The following BTRC variants were observed in gnomAD, a reference collection of about 807,000 sequenced individuals.
BTRC encodes the protein beta-transducin repeat containing E3 ubiquitin protein ligase.
Under a neutral mutation model 85.5 loss-of-function variants are expected in BTRC, and 42 were observed. The ratio of observed to expected loss-of-function variants is 0.49; its 90% CI spans 0.38 to 0.64. BTRC has a LOEUF of 0.64. Among genes scored for constraint, BTRC ranks in the 30% least tolerant of loss-of-function variants. The pLI, the probability that BTRC is intolerant of heterozygous loss-of-function variation, is 0.00. For missense variants in BTRC, 594 were observed against 743.5 expected (o/e 0.80, Z 2.34); for synonymous variants, 255 against 263.3 (o/e 0.97, Z 0.30).
intron 1 of BTRC, among the ~76,000 whole-genome samples, chr10:101,401,506 GT>G (rs1943490630): frequency 6.6e-6 from 1 of 152,132 alleles, no homozygotes; most frequent in African/African-American, 2.4e-5. Context: ...AAGCAGTGTT[GT>G]GATGCCCTGC....
chr10:101,378,754 A>G (rs1209214654), intron 1 of BTRC, among the ~76,000 whole-genome samples: 2 of 151,410 alleles, frequency 1.3e-5, no homozygotes, highest in Non-Finnish European at 2.9e-5. Flanking sequence ...CGAACTCCCA[A>G]CCTCAAGTGA....
intron 1 of BTRC, among the ~76,000 whole-genome samples, chr10:101,389,137 T>G (rs1943169762): frequency 2.1e-5 from 3 of 141,170 alleles, no homozygotes; most frequent in Non-Finnish European, 3.1e-5. Flanking sequence ...TTTTTTTTTT[T>G]TTTTTTTTTT....
intron 1 of BTRC, among the ~76,000 whole-genome samples, chr10:101,403,112 T>C (rs1477299603): frequency 1.3e-5 from 2 of 152,208 alleles, no homozygotes; most frequent in Non-Finnish European, 2.9e-5. Context: ...TTCTAAGCAT[T>C]GATGGCATTG....
At chr10:101,469,080 G>A (rs763594671) in intron 3 of BTRC, among the ~76,000 whole-genome samples, 6 of 152,176 alleles carry the variant, frequency 3.9e-5, no homozygotes, top group Non-Finnish European at 8.8e-5. Flanking sequence ...ATATAAAAAC[G>A]TATTAAAGTA....
chr10:101,442,878 TC>T (rs1300659485), intron 2 of BTRC, among the ~76,000 whole-genome samples: 1 of 150,000 alleles, frequency 6.7e-6, no homozygotes, highest in Non-Finnish European at 1.5e-5. Flanking sequence ...GTTGTACAGA[TC>T]TCACTTGCTC....
At chr10:101,417,845 T>A (rs12258171) in intron 1 of BTRC, among the ~76,000 whole-genome samples, 1 of 151,900 alleles carries the variant, frequency 6.6e-6, no homozygotes, top group Non-Finnish European at 1.5e-5. Context: ...CTTTTTTTCC[T>A]GTTAATTCTT....
In BTRC at chr10:101,522,711, G is replaced by A. The variant is rs375312132; in HGVS notation, c.556+841G>A. Among the ~76,000 whole-genome samples the A allele has an allele frequency of 1.7e-4, 26 of 151,052 alleles. No individual in the cohort carries two copies. In the South Asian group the frequency reaches 1.9e-3, roughly 11 times the overall value. On this transcript the variant is annotated intron_variant, in intron 5 of 14. Transcript: ENST00000370187. ...GTTGGGATTACAGGTGTGAGCCACC[G>A]TACCCAGCCAAGACTCCTTTTACCT...
chr10:101,477,097 C>G (rs1487185481), intron 3 of BTRC, among the ~76,000 whole-genome samples: 1 of 152,210 alleles, frequency 6.6e-6, no homozygotes, highest in Non-Finnish European at 1.5e-5. Context: ...CTGCCTCAGC[C>G]TCCCGAGTAG....
chr10:101,354,203 TGCAAGAGAAG>T lies in BTRC; in HGVS notation c.27_36del (p.Gln9HisfsTer58). On this transcript the variant is annotated frameshift_variant, in exon 1 of 15. Transcript: ENST00000370187. LOFTEE classifies it high-confidence loss of function. ...ATTATGGACCCGGCCGAGGCGGTGC[TGCAAGAGAAG>T]GCACTCAAGTTTATGGTGAGGAGAC... 4 of 1,549,134 alleles carry T rather than the reference TGCAAGAGAAG, an allele frequency of 2.6e-6. No individual in the cohort carries two copies. Among genetic ancestry groups the T allele is most frequent in the Non-Finnish European group, 3.5e-6 (4 of 1,146,688 alleles).
At chr10:101,465,480 ACT>A (rs1945349332) in intron 3 of BTRC, among the ~76,000 whole-genome samples, 1 of 152,182 alleles carries the variant, frequency 6.6e-6, no homozygotes, top group African/African-American at 2.4e-5. Flanking sequence ...ACTTACCAAA[ACT>A]CTTAACACAG....
intron 1 of BTRC, among the ~76,000 whole-genome samples, chr10:101,407,599 C>T (rs1049870558): frequency 6.6e-6 from 1 of 152,098 alleles, no homozygotes; most frequent in Non-Finnish European, 1.5e-5. Flanking sequence ...CCATGTTGCC[C>T]AAGCTGGTCT....
intron 1 of BTRC, among the ~76,000 whole-genome samples, chr10:101,423,598 C>T (rs1944167426): frequency 6.6e-6 from 1 of 152,168 alleles, no homozygotes; most frequent in Non-Finnish European, 1.5e-5. Flanking sequence ...GAGACAAACA[C>T]ATTTGAGTAT....
chr10:101,385,618 C>CTTTTTTTTTTTTTTTTTTT (rs36030307), intron 1 of BTRC, among the ~76,000 whole-genome samples: 16 of 79,790 alleles, frequency 2.0e-4, no homozygotes, highest in Non-Finnish European at 2.2e-4. Flanking sequence ...TCTTCTTCTT[C>CTTTTTTTTTTTTTTTTTTT]TTTTTTTTTT....
chr10:101,447,360 C>A (rs937429183), intron 2 of BTRC, among the ~76,000 whole-genome samples: 4 of 152,118 alleles, frequency 2.6e-5, no homozygotes, highest in African/African-American at 7.2e-5. Context: ...TGACCACTAC[C>A]CAGAATGTCC....
chr10:101,452,779 AG>A (rs1272148050), intron 2 of BTRC, among the ~76,000 whole-genome samples: 2 of 152,152 alleles, frequency 1.3e-5, no homozygotes, highest in Middle Eastern at 3.2e-3. Context: ...CAGTATAGGG[AG>A]GCCTTGATGT....
Position 101,550,742 on chromosome 10 carries a change from A to G in BTRC, c.1700A>G (p.Gln567Arg). The G allele has an allele frequency of 1.9e-6, 3 of 1,613,774 alleles. No individual in the cohort carries two copies. Among genetic ancestry groups the G allele is most frequent in the Non-Finnish European group, 2.5e-6 (3 of 1,179,758 alleles). ...RVFRLQFDEF[Q>R]IVSSSHDDTI... is the part of the protein sequence containing the mutation. Reference sequence around the variant, plus strand: ...TTTCGACTACAGTTTGATGAATTCCAGATTGTCAGTAGTTCACATGATGAC... The same window carrying G: ...TTTCGACTACAGTTTGATGAATTCCGGATTGTCAGTAGTTCACATGATGAC... The change falls in exon 14 of 15, where the codon CAG becomes CGG. Residue 567 changes from glutamine to arginine, a missense_variant. Physicochemically the swap from Gln to Arg is conservative, Grantham distance 43. Around this residue, in one of 4 missense-constraint regions of BTRC, gnomAD observed 373 missense variants for 503.6 expected, o/e 0.74. Transcript: ENST00000370187.
chr10:101,505,657 A>T (rs945339153), intron 4 of BTRC, among the ~76,000 whole-genome samples: 2 of 151,846 alleles, frequency 1.3e-5, no homozygotes, highest in African/African-American at 4.8e-5. Context: ...TAAAAAAACA[A>T]ATATACCCAC....
intron 2 of BTRC, among the ~76,000 whole-genome samples, chr10:101,461,701 A>C (rs1589499030): frequency 6.6e-6 from 1 of 152,168 alleles, no homozygotes; most frequent in African/African-American, 2.4e-5. Flanking sequence ...AACCTGTGTC[A>C]AAGTGCAAGC....
At chr10:101,446,302 T>C (rs1450330569) in intron 2 of BTRC, among the ~76,000 whole-genome samples, 2 of 152,144 alleles carry the variant, frequency 1.3e-5, no homozygotes, top group East Asian at 3.8e-4. Context: ...TCACATCCTG[T>C]GTCCCTTGCC....
Sources: gnomAD v4.1 joint callset for allele counts (sites outside exome capture counted in the v4.1 genomes callset) on GRCh38, gnomAD v4.1.1 for gene constraint, gnomAD v4.1.1 regional missense constraint, MANE v1.5 for transcripts, NCBI Gene and HGNC (gene_info 2026-07-23, HGNC 2026-07-21) for gene names.